Variants in PCDH15 observed in about 807,000 individuals in gnomAD.
PCDH15 encodes the protein protocadherin related 15, also known as protocadherin-15.
In PCDH15, 129 loss-of-function variants were observed where a neutral mutation model predicts 178.5. That is an observed-to-expected ratio of 0.72 (90% CI 0.63 to 0.84). The LOEUF is 0.84. PCDH15 is among the 40% of genes least tolerant of loss of function. The pLI, the probability that PCDH15 is intolerant of heterozygous loss-of-function variation, is 0.00. For synonymous variants in PCDH15, 800 were observed against 732.0 expected (o/e 1.09, Z -1.50); for missense variants, 2,230 against 2,099.9 (o/e 1.06, Z -1.21).
In PCDH15 at chr10:55,386,825, C is replaced by T. The variant is rs542484745; in HGVS notation, c.-155-220174G>A. Reference sequence around the variant, plus strand: ...GCAAACATTGAAGTGGTATGTAATGCGTGGCAAAATACAACTATATATCTA... The same window carrying T: ...GCAAACATTGAAGTGGTATGTAATGTGTGGCAAAATACAACTATATATCTA... On this transcript the variant is annotated intron_variant, in intron 2 of 5. Transcript: ENST00000613346. Among the ~76,000 whole-genome samples the T allele has an allele frequency of 3.3e-5, 5 of 152,038 alleles. No homozygotes were observed. The South Asian group carries it at 6.2e-4, about 19-fold the overall frequency.
intron 2 of PCDH15, among the ~76,000 whole-genome samples, chr10:54,915,878 G>C (rs567655905): frequency 3.1e-4 from 47 of 152,136 alleles, no homozygotes; most frequent in African/African-American, 1.1e-3. Flanking sequence ...GTCCAGGCTG[G>C]AGTGCAGTGG....
chr10:54,196,391 C>G (rs1241594275), intron 10 of PCDH15, among the ~76,000 whole-genome samples: 1 of 152,142 alleles, frequency 6.6e-6, no homozygotes, highest in African/African-American at 2.4e-5. Flanking sequence ...ATCCGCCCGC[C>G]TCAGCCTCCC....
At chr10:55,398,507 C>T (rs951240570) in intron 2 of PCDH15, among the ~76,000 whole-genome samples, 1 of 152,106 alleles carries the variant, frequency 6.6e-6, no homozygotes, top group African/African-American at 2.4e-5. Flanking sequence ...AATAGTCTTT[C>T]CTCTTTTCTC....
intron 11 of PCDH15, among the ~76,000 whole-genome samples, chr10:54,186,836 T>C (rs142859974): frequency 6.6e-6 from 1 of 152,014 alleles, no homozygotes; most frequent in African/African-American, 2.4e-5. Context: ...GTTTTAAAAA[T>C]AAATTATGTA....
intron 35 of PCDH15, among the ~76,000 whole-genome samples, chr10:53,813,351 T>A (rs2075945995): frequency 2.0e-5 from 3 of 152,188 alleles, no homozygotes; most frequent in African/African-American, 7.2e-5. Flanking sequence ...AATTTTGCCG[T>A]TTACAAATAC....
At chr10:54,295,746 A>G (rs58689380) in intron 8 of PCDH15, among the ~76,000 whole-genome samples, 2 of 151,908 alleles carry the variant, frequency 1.3e-5, no homozygotes, top group African/African-American at 4.8e-5. Context: ...CCACGAAGGG[A>G]TAATCACCAA....
At chr10:54,087,250 G>C (rs1156244290) in intron 16 of PCDH15, among the ~76,000 whole-genome samples, 7 of 152,072 alleles carry the variant, frequency 4.6e-5, no homozygotes, top group Non-Finnish European at 8.8e-5. Flanking sequence ...AATCATCACT[G>C]TAATCAATTT....
chr10:54,904,201 T>C (rs12359681), intron 2 of PCDH15, among the ~76,000 whole-genome samples: 6,367 of 152,162 alleles, frequency 0.042, 212 homozygotes, highest in South Asian at 0.11. Flanking sequence ...CTTTGCAAAA[T>C]CACTATGTAT....
chr10:55,426,074 T>A (rs11004850), intron 2 of PCDH15, among the ~76,000 whole-genome samples: 1 of 152,138 alleles, frequency 6.6e-6, no homozygotes, highest in Non-Finnish European at 1.5e-5. Context: ...TATAACACTA[T>A]GGTAAAGTTT....
chr10:53,915,853 G>A lies in PCDH15; in HGVS notation c.3374-12483C>T, dbSNP rs139153669. 1.0e-3 allele frequency among the ~76,000 whole-genome samples: 157 copies of A among 152,136 alleles called. 3 individuals are homozygous for A. In the East Asian group the frequency reaches 0.027, roughly 26 times the overall value. ...ATTACAGGTGTGAGCCACTGTGCCC[G>A]GCCCGTATTTGTATAATATATAATA... On this transcript the variant is annotated intron_variant, in intron 25 of 37. Coordinates refer to ENST00000644397, the MANE Select transcript of PCDH15 (RefSeq NM_001384140.1).
At chr10:55,223,616 A>G (rs897190983) in intron 1 of PCDH15, among the ~76,000 whole-genome samples, 4 of 152,150 alleles carry the variant, frequency 2.6e-5, no homozygotes, top group Non-Finnish European at 4.4e-5. Context: ...CAGATTTGGA[A>G]ACATCTTCAT....
Position 53,876,475 on chromosome 10 carries a change from C to T in PCDH15, c.3502-9618G>A, listed in dbSNP as rs529347070. On this transcript the variant is annotated intron_variant, in intron 26 of 37. Coordinates refer to ENST00000644397, the MANE Select transcript of PCDH15 (RefSeq NM_001384140.1). ...TGCTGGGATTACAGGCATGAGCCACCGCGCCCGGCCAACTCTTGTATTTTT... is the reference window on the plus strand; with the variant it reads ...TGCTGGGATTACAGGCATGAGCCACTGCGCCCGGCCAACTCTTGTATTTTT... Among the ~76,000 whole-genome samples the T allele has an allele frequency of 7.2e-5, 11 of 152,100 alleles. No individual in the cohort carries two copies. The East Asian group carries it at 1.4e-3, about 19-fold the overall frequency.
At chr10:54,198,417 C>A (rs531963973) in intron 10 of PCDH15, among the ~76,000 whole-genome samples, 1 of 151,168 alleles carries the variant, frequency 6.6e-6, no homozygotes, top group Admixed American at 6.6e-5. Flanking sequence ...CAGAGCAGTT[C>A]ATACATGCAA....
At chr10:55,290,404 T>A (rs764817299) in intron 1 of PCDH15, among the ~76,000 whole-genome samples, 1 of 152,168 alleles carries the variant, frequency 6.6e-6, no homozygotes, top group Non-Finnish European at 1.5e-5. Context: ...AGTGTCTTCA[T>A]ATTTTCTGTA....
chr10:54,548,278 T>C (rs183896707), intron 2 of PCDH15, among the ~76,000 whole-genome samples: 45 of 148,364 alleles, frequency 3.0e-4, no homozygotes, highest in African/African-American at 9.8e-4. Flanking sequence ...TTACTGATCA[T>C]AGAGACATAA....
intron 2 of PCDH15, among the ~76,000 whole-genome samples, chr10:55,401,633 TG>T (rs1838073508): frequency 3.3e-5 from 5 of 151,264 alleles, no homozygotes; most frequent in Admixed American, 6.6e-5. Flanking sequence ...TGTGTGTGTG[TG>T]TGTAGTGAGT....
chr10:54,162,203 T>C (rs896623851), intron 13 of PCDH15, among the ~76,000 whole-genome samples: 1 of 136,388 alleles, frequency 7.3e-6, no homozygotes, highest in African/African-American at 2.9e-5. Context: ...TGCCTTCTTA[T>C]GCACCTCACA....
intron 1 of PCDH15, among the ~76,000 whole-genome samples, chr10:55,300,648 C>T (rs747063833): frequency 6.6e-6 from 1 of 152,008 alleles, no homozygotes; most frequent in East Asian, 1.9e-4. Context: ...AAAAATTAAG[C>T]TCAAGTATTA....
At chr10:54,242,585 A>G (rs534430582) in intron 8 of PCDH15, among the ~76,000 whole-genome samples, 9 of 152,274 alleles carry the variant, frequency 5.9e-5, no homozygotes, top group African/African-American at 1.9e-4. Context: ...AATAATATCT[A>G]TCATTTACAC....
Sources: allele counts gnomAD v4.1 joint callset (sites outside exome capture counted in the v4.1 genomes callset), GRCh38; gene constraint gnomAD v4.1.1; transcripts MANE v1.5; gene names NCBI Gene and HGNC (gene_info 2026-07-23, HGNC 2026-07-21).